Variants in FIGN observed in about 807,000 individuals in gnomAD.
The protein encoded by FIGN is fidgetin.
A neutral mutation model predicts 51.3 loss-of-function variants in FIGN; 11 were observed. The ratio of observed to expected loss-of-function variants is 0.21; its 90% CI spans 0.13 to 0.35. The LOEUF (loss-of-function observed/expected upper bound fraction) is 0.35. Among genes scored for constraint, FIGN ranks in the 10% least tolerant of loss-of-function variants. The probability of loss-of-function intolerance (pLI) is 1.00; values close to 1 mark genes in which losing one functional copy is unlikely to be tolerated. For synonymous variants in FIGN, 407 were observed against 363.2 expected, an observed-to-expected ratio of 1.12 and a Z score of -1.37; for missense variants, 857 against 943.6, an observed-to-expected ratio of 0.91 and a Z score of 1.20.
chr2:163,726,196 G>C (rs1394236168), intron 2 of FIGN, among the ~76,000 whole-genome samples: 1 of 151,902 alleles, frequency 6.6e-6, no homozygotes, highest in Non-Finnish European at 1.5e-5. Flanking sequence ...GGCCATTCAG[G>C]GTCCCAATGT....
intron 2 of FIGN, among the ~76,000 whole-genome samples, chr2:163,625,104 T>G (rs1384854637): frequency 6.6e-6 from 1 of 152,074 alleles, no homozygotes; most frequent in Non-Finnish European, 1.5e-5. Flanking sequence ...GTTTTTCAAC[T>G]TAGGACTTGT....
chr2:163,687,012 T>TACAC (rs547589971), intron 2 of FIGN, among the ~76,000 whole-genome samples: 21 of 147,768 alleles, frequency 1.4e-4, no homozygotes, highest in East Asian at 4.0e-4. Context: ...TGAGATTGTG[T>TACAC]ACACACACAC....
chr2:163,669,360 T>C (rs1683839605), intron 2 of FIGN, among the ~76,000 whole-genome samples: 1 of 152,256 alleles, frequency 6.6e-6, no homozygotes, highest in African/African-American at 2.4e-5. Flanking sequence ...TACAGGCGCA[T>C]GCCACCATGC....
Position 163,611,194 on chromosome 2 carries a change from G to A in FIGN, c.638C>T (p.Pro213Leu), listed in dbSNP as rs1232608017. The change falls in exon 3 of 3, where the codon CCT (proline) becomes CTT (leucine). Residue 213 changes from proline to leucine, a missense_variant. Pro to Leu is a moderately conservative substitution (Grantham distance 98). Coordinates refer to ENST00000333129, the MANE Select transcript of FIGN (RefSeq NM_018086.4). ...CTGTAGTAGCCCAGAGCTATGCAAA[G>A]GAGACGGATGAGGTGAAGGAAGTGC... ...APALPSPHPS[P>L]LHSSGLLQPP... 6.2e-7 allele frequency: 1 copy of A among 1,614,132 alleles called. No individual in the cohort carries two copies. The highest frequency in any genetic ancestry group is 8.5e-7 in the Non-Finnish European group (1 of 1,180,014).
At chr2:163,676,133 G>T (rs952269731) in intron 2 of FIGN, among the ~76,000 whole-genome samples, 4 of 151,402 alleles carry the variant, frequency 2.6e-5, no homozygotes, top group African/African-American at 7.3e-5. Context: ...CGTAAATAAG[G>T]CATGCTGTGG....
At position 163,610,974 on chromosome 2, in the gene FIGN, G is replaced by A. The variant is rs887499451; in HGVS notation, c.858C>T (p.Pro286=). 48 of 1,613,776 alleles carry A rather than the reference G, an allele frequency of 3.0e-5. 1 individual carries two copies. Among genetic ancestry groups the A allele is most frequent in the African/African-American group, 1.5e-4 (11 of 74,930 alleles). Residue 286 remains proline, a synonymous_variant, in exon 3 of 3, where the codon CCC becomes CCT. Transcript: ENST00000333129. ...AGGTGTAGCCAGGAACAGTGGTGGG[G>A]GGTAGGGGGGTGGGAGCAGGAATTC... ...PSGIPAPTPL[P]PTTVPGYTYQ... is the part of the protein sequence containing the mutation.
intron 2 of FIGN, among the ~76,000 whole-genome samples, chr2:163,620,706 C>T (rs933298632): frequency 3.8e-4 from 58 of 152,022 alleles, no homozygotes; most frequent in East Asian, 5.8e-4. Flanking sequence ...ACTGTTTTGC[C>T]GTACAAAATA....
chr2:163,712,009 T>A (rs996162928), intron 2 of FIGN, among the ~76,000 whole-genome samples: 5 of 151,624 alleles, frequency 3.3e-5, no homozygotes, highest in African/African-American at 1.2e-4. Context: ...GTACACACAC[T>A]CCCCACCTAC....
At chr2:163,712,924 T>C in intron 2 of FIGN, among the ~76,000 whole-genome samples, 1 of 152,166 alleles carries the variant, frequency 6.6e-6, no homozygotes, top group Non-Finnish European at 1.5e-5. Flanking sequence ...CTTTCTAAAG[T>C]AAACGTTGGT....
intron 2 of FIGN, among the ~76,000 whole-genome samples, chr2:163,656,305 G>A (rs1199865247): frequency 1.3e-5 from 2 of 152,104 alleles, no homozygotes; most frequent in Admixed American, 1.3e-4. Context: ...AAATAGCCAG[G>A]AGCTTTAAGG....
chr2:163,638,173 G>C (rs767761352), intron 2 of FIGN, among the ~76,000 whole-genome samples: 3 of 151,954 alleles, frequency 2.0e-5, no homozygotes, highest in Non-Finnish European at 4.4e-5. Context: ...GAATCCTGCC[G>C]TGGTCTTGCT....
At chr2:163,628,109 C>G (rs1008235136) in intron 2 of FIGN, among the ~76,000 whole-genome samples, 3 of 152,076 alleles carry the variant, frequency 2.0e-5, no homozygotes, top group African/African-American at 7.2e-5. Context: ...TCTAATAAAT[C>G]CAAATGCCTA....
intron 2 of FIGN, among the ~76,000 whole-genome samples, chr2:163,661,923 TTTA>T (rs1333817953): frequency 1.3e-5 from 2 of 152,176 alleles, no homozygotes; most frequent in Admixed American, 1.3e-4. Flanking sequence ...TGAGTATGTC[TTTA>T]TCAGCAGCAT....
At chr2:163,635,632 G>C (rs1683212423) in intron 2 of FIGN, among the ~76,000 whole-genome samples, 1 of 152,040 alleles carries the variant, frequency 6.6e-6, no homozygotes, top group Non-Finnish European at 1.5e-5. Flanking sequence ...ATTGTAAGTA[G>C]GATTTAAAAT....
intron 2 of FIGN, among the ~76,000 whole-genome samples, chr2:163,626,600 T>C (rs1683057556): frequency 6.6e-6 from 1 of 152,186 alleles, no homozygotes; most frequent in African/African-American, 2.4e-5. Flanking sequence ...GTTTTAGTTA[T>C]GAATTTTAGT....
In FIGN at chr2:163,609,510, G is replaced by A; in HGVS notation, c.*42C>T. The A allele has an allele frequency of 6.5e-7, 1 of 1,532,124 alleles. No individual in the cohort carries two copies. The highest frequency in any genetic ancestry group is 8.8e-7 in the Non-Finnish European group (1 of 1,131,632). 94.9% of individuals were successfully genotyped at this position (1,532,124 alleles called of 1,614,324 possible). Reference sequence around the variant, plus strand: ...TCCCTATGTAGCAGGTTTTATGTGTGTGTGCCAACATTCATTACATTTTTT... The same window carrying A: ...TCCCTATGTAGCAGGTTTTATGTGTATGTGCCAACATTCATTACATTTTTT... On this transcript the variant is annotated 3_prime_UTR_variant, in exon 3 of 3. Transcript: ENST00000333129.
At chr2:163,677,380 A>G (rs769609372) in intron 2 of FIGN, among the ~76,000 whole-genome samples, 10 of 152,248 alleles carry the variant, frequency 6.6e-5, no homozygotes, top group Non-Finnish European at 1.0e-4. Context: ...CACAGAATTC[A>G]GGGCTGCAAT....
intron 2 of FIGN, among the ~76,000 whole-genome samples, chr2:163,697,403 T>C (rs1424111905): frequency 1.3e-5 from 2 of 152,050 alleles, no homozygotes; most frequent in Non-Finnish European, 2.9e-5. Flanking sequence ...ACCCAGCCTC[T>C]GTGTCATGAT....
intron 2 of FIGN, among the ~76,000 whole-genome samples, chr2:163,669,246 A>G (rs558614608): frequency 2.0e-5 from 3 of 152,042 alleles, no homozygotes; most frequent in Non-Finnish European, 4.4e-5. Context: ...GGTCTCACTC[A>G]GTCGCCCAGG....
Sources: allele counts gnomAD v4.1 joint callset (sites outside exome capture counted in the v4.1 genomes callset), GRCh38; gene constraint gnomAD v4.1.1; transcripts MANE v1.5; gene names NCBI Gene and HGNC (gene_info 2026-07-23, HGNC 2026-07-21).